Variants in PRR5 observed in about 807,000 individuals in gnomAD.
The protein encoded by PRR5 is proline rich 5.
A neutral mutation model predicts 30.6 loss-of-function variants in PRR5; 25 were observed. The ratio of observed to expected loss-of-function variants is 0.82; its 90% CI spans 0.60 to 1.14. The LOEUF is 1.14. Ranked by LOEUF, PRR5 falls within the 50% of genes most tolerant of loss-of-function variation. The probability of loss-of-function intolerance (pLI) is 0.00; values close to 1 mark genes in which losing one functional copy is unlikely to be tolerated. For synonymous variants in PRR5, 286 were observed against 247.1 expected (o/e 1.16, Z -1.48); for missense variants, 600 against 547.1 (o/e 1.10, Z -0.96).
chr22:44,735,733 G>A (rs1479735572), intron 7 of PRR5, among the ~76,000 whole-genome samples: 3 of 152,160 alleles, frequency 2.0e-5, no homozygotes, highest in Non-Finnish European at 2.9e-5. Context: ...TCTCCTCCAC[G>A]ACCCACCATT....
At chr22:44,672,816 G>A (rs1194712718), upstream of PRR5, among the ~76,000 whole-genome samples, 1 of 152,192 alleles carries the variant, frequency 6.6e-6, no homozygotes, top group African/African-American at 2.4e-5. Flanking sequence ...GCGTGGCCCT[G>A]CCCAATTGAC....
chr22:44,717,026 A>G (rs1929155101), intron 2 of PRR5, among the ~76,000 whole-genome samples: 1 of 152,030 alleles, frequency 6.6e-6, no homozygotes, highest in Non-Finnish European at 1.5e-5. Flanking sequence ...GTGTCACTGC[A>G]CTTCAGCCTG....
At chr22:44,681,583 T>C (rs9614877) in intron 1 of PRR5, among the ~76,000 whole-genome samples, 13,876 of 142,416 alleles carry the variant, frequency 0.097, 794 homozygotes, top group East Asian at 0.27. Flanking sequence ...AGCAAGACTT[T>C]GTCTCAAAGA....
chr22:44,727,446 C>T (rs562587626), intron 4 of PRR5, among the ~76,000 whole-genome samples: 14 of 152,312 alleles, frequency 9.2e-5, no homozygotes, highest in South Asian at 2.1e-4. Context: ...CACTAGGCAC[C>T]GGGTGTGTGC....
intron 6 of PRR5, among the ~76,000 whole-genome samples, chr22:44,733,597 G>A (rs1016768612): frequency 2.6e-5 from 4 of 152,106 alleles, no homozygotes; most frequent in African/African-American, 9.7e-5. Context: ...GACCCTTGAG[G>A]GACTTTGCTG....
At chr22:44,732,222 CGGT>C (rs1922138815) in intron 5 of PRR5, 26 bp from the exon 6 acceptor site, 5 of 1,606,956 alleles carry the variant, frequency 3.1e-6, no homozygotes, top group Non-Finnish European at 4.2e-6. Context: ...TGACCACAGC[CGGT>C]GGGGTGGGGT....
intron 1 of PRR5, 41 bp from the exon 2 acceptor site, chr22:44,714,550 C>T: frequency 6.2e-7 from 1 of 1,608,064 alleles, no homozygotes; most frequent in South Asian, 1.1e-5. Context: ...AGGGGGCTCT[C>T]AGACCTCAGG....
chr22:44,737,493 G>T lies in PRR5; in HGVS notation c.*246G>T. The T allele has an allele frequency of 2.8e-6, 2 of 702,132 alleles. No homozygotes were observed. Among genetic ancestry groups the T allele is most frequent in the Middle Eastern group, 4.4e-4 (1 of 2,276 alleles). 43.5% of individuals were successfully genotyped at this position (702,132 alleles called of 1,614,324 possible). On this transcript the variant is annotated 3_prime_UTR_variant, in exon 8 of 8. Transcript: ENST00000336985. Reference sequence around the variant, plus strand: ...CCCAGGGGCCGGGCCAGAGACGGGGGTCGGCCGCTCGCTCCCACGCTCCTC... The same window carrying T: ...CCCAGGGGCCGGGCCAGAGACGGGGTTCGGCCGCTCGCTCCCACGCTCCTC...
intron 6 of PRR5, among the ~76,000 whole-genome samples, chr22:44,733,307 G>T (rs529983112): frequency 6.6e-6 from 1 of 152,222 alleles, no homozygotes; most frequent in Non-Finnish European, 1.5e-5. Flanking sequence ...AGTCACTGCC[G>T]GCCACCCCAT....
rs980350246 is a variant in PRR5, at chr22:44,737,295, G to A, written c.*48G>A. On this transcript the variant is annotated 3_prime_UTR_variant, in exon 8 of 8. Transcript: ENST00000336985. ...TTTTACTGACACGTCCCTGTGTGCG[G>A]GGGTGTCCATGTGGCGTGTGTGTGA... 6 of 1,551,262 alleles carry A rather than the reference G, an allele frequency of 3.9e-6. No individual in the cohort carries two copies. The African/African-American group carries it at 6.8e-5, about 18-fold the overall frequency.
At chr22:44,720,757 G>A (rs1929807157) in intron 2 of PRR5, among the ~76,000 whole-genome samples, 1 of 152,202 alleles carries the variant, frequency 6.6e-6, no homozygotes, top group African/African-American at 2.4e-5. Flanking sequence ...TGGGCACCGT[G>A]CAAATGGGGG....
rs1923399567 is a variant in PRR5, at chr22:44,737,001, C to G, written c.921C>G (p.Phe307Leu). The G allele has an allele frequency of 6.3e-7, 1 of 1,599,952 alleles. No homozygotes were observed. Among genetic ancestry groups the G allele is most frequent in the African/African-American group, 1.3e-5 (1 of 74,684 alleles). The change falls in exon 8 of 8, where the codon TTC becomes TTG. Residue 307 changes from phenylalanine to leucine, a missense_variant. Transcript: ENST00000336985. ...DPPGQGPTGT[F>L]RSSPAPHSGP... ...CCGGCCAGGGCCCCACCGGGACCTTCAGGTCCTCCCCGGCGCCCCACTCAG... is the reference window on the plus strand; with the variant it reads ...CCGGCCAGGGCCCCACCGGGACCTTGAGGTCCTCCCCGGCGCCCCACTCAG...
intron 4 of PRR5, chr22:44,729,881 ACTGAG>A (rs769935684): frequency 7.1e-6 from 7 of 985,300 alleles, no homozygotes; most frequent in Non-Finnish European, 6.0e-6. Flanking sequence ...CAGCCCGGGA[ACTGAG>A]CTGCCTTTCT....
intron 6 of PRR5, among the ~76,000 whole-genome samples, chr22:44,732,906 TACAC>T (rs764438269): frequency 2.1e-5 from 3 of 141,740 alleles, no homozygotes; most frequent in Non-Finnish European, 4.5e-5. Flanking sequence ...TGCACACGCA[TACAC>T]ACTACACACG....
chr22:44,714,403 ACAGGCTGGGCTCCAGCAGGGC>A (rs1457505424), intron 1 of PRR5, among the ~76,000 whole-genome samples, 167 bp from the exon 2 acceptor site: 2 of 152,130 alleles, frequency 1.3e-5, no homozygotes, highest in East Asian at 1.9e-4. Context: ...ATCTGGTGAT[ACAGGCTGGGCTCCAGCAGGGC>A]CGGGCTGGGG....
At chr22:44,671,375 T>G (rs1172235094) in intron 1 of PRR5, among the ~76,000 whole-genome samples, 2 of 152,108 alleles carry the variant, frequency 1.3e-5, no homozygotes, top group African/African-American at 4.8e-5. Context: ...CTCTTTTTTC[T>G]TATGTCTTAA....
chr22:44,715,252 G>T (rs930779050), intron 2 of PRR5, among the ~76,000 whole-genome samples: 3 of 152,188 alleles, frequency 2.0e-5, no homozygotes, highest in African/African-American at 7.2e-5. Context: ...CCAAAGCTCA[G>T]AGAGGTCAAG....
intron 1 of PRR5, among the ~76,000 whole-genome samples, chr22:44,671,647 C>T (rs1923433056): frequency 6.6e-6 from 1 of 152,196 alleles, no homozygotes; most frequent in South Asian, 2.1e-4. Context: ...ATTGCCTAAG[C>T]TCCCTGAGCT....
intron 1 of PRR5, among the ~76,000 whole-genome samples, chr22:44,710,259 A>T (rs1176772049): frequency 6.7e-6 from 1 of 149,210 alleles, no homozygotes; most frequent in African/African-American, 2.5e-5. Context: ...CTCCCTAAGG[A>T]TCCTCCCCTT....
Sources: allele counts gnomAD v4.1 joint callset (sites outside exome capture counted in the v4.1 genomes callset), GRCh38; gene constraint gnomAD v4.1.1; transcripts MANE v1.5; gene names NCBI Gene and HGNC (gene_info 2026-07-23, HGNC 2026-07-21).